ACSF3: variants seen among roughly 807,000 people sequenced by gnomAD.
The protein encoded by ACSF3 is acyl-CoA synthetase family member 3.
A neutral mutation model predicts 53.2 loss-of-function variants in ACSF3; 78 were observed. The observed-to-expected ratio is 1.47, with a 90% CI of 1.22 to 1.77. The LOEUF (loss-of-function observed/expected upper bound fraction) is 1.77, where lower values mean the gene tolerates loss of function less well. Ranked by LOEUF, ACSF3 falls within the 40% of genes most tolerant of loss-of-function variation. ACSF3 has a pLI of 0.00. For missense variants in ACSF3, 937 were observed against 771.1 expected, an observed-to-expected ratio of 1.22 and a Z score of -2.55; for synonymous variants, 414 against 333.1, an observed-to-expected ratio of 1.24 and a Z score of -2.65.
chr16:89,114,783 G>A, intron 6 of ACSF3: 2 of 467,650 alleles, frequency 4.3e-6, no homozygotes, highest in South Asian at 2.0e-5. Context: ...GCAGGCGTCA[G>A]TGCATGTCTC....
intron 10 of ACSF3, chr16:89,153,504 G>T (rs1030186109): frequency 4.5e-5 from 7 of 156,994 alleles, no homozygotes; most frequent in African/African-American, 1.4e-4. Context: ...CATGAGGAAG[G>T]GGGACCCTGA....
intron 10 of ACSF3, chr16:89,151,085 A>G (rs1443950893): frequency 1.6e-6 from 2 of 1,280,586 alleles, no homozygotes; most frequent in Non-Finnish European, 2.0e-6. Context: ...TCGGAAGGAA[A>G]CGAAACCTCG....
In ACSF3 at chr16:89,154,094, G is replaced by A. The variant is rs570670205; in HGVS notation, c.1618G>A (p.Val540Ile). Residue 540 changes from valine (V) to isoleucine (I), a missense_variant, in exon 11 of 11, where the codon GTC (valine) becomes ATC (isoleucine). Val to Ile is a conservative substitution (Grantham distance 29). Coordinates refer to ENST00000614302, the MANE Select transcript of ACSF3 (RefSeq NM_001243279.3). ...HRELKEWARNVLAPYAVPSEL... is the reference protein window; with the variant it reads ...HRELKEWARNILAPYAVPSEL... Reference sequence around the variant, plus strand: ...AGGCTGTGCTTGTCTCTGCAGAAATGTCCTGGCCCCGTACGCGGTGCCCTC... The same window carrying A: ...AGGCTGTGCTTGTCTCTGCAGAAATATCCTGGCCCCGTACGCGGTGCCCTC... The A allele has an allele frequency of 1.2e-6, 2 of 1,612,670 alleles. No homozygotes were observed. The highest frequency in any genetic ancestry group is 4.5e-5 in the East Asian group (2 of 44,862).
intron 6 of ACSF3, among the ~76,000 whole-genome samples, 186 bp from the exon 7 acceptor site, chr16:89,120,615 G>A (rs553061138): frequency 7.2e-5 from 11 of 152,350 alleles, no homozygotes; most frequent in African/African-American, 2.2e-4. Context: ...GCCACGTATC[G>A]TGTGGCTTTT....
At chr16:89,139,017 G>A (rs572014618) in intron 8 of ACSF3, among the ~76,000 whole-genome samples, 3 of 152,180 alleles carry the variant, frequency 2.0e-5, no homozygotes, top group Non-Finnish European at 2.9e-5. Flanking sequence ...CGCCAGCACC[G>A]CCACCTCCAG....
rs1287168608 is a variant in ACSF3, at chr16:89,155,148, A to C, written c.*941A>C. Reference sequence around the variant, plus strand: ...CTTAGCGGGGCCAATTCAGATGCACAGGGGCCACATGCAGAATCCAGAAGT... The same window carrying C: ...CTTAGCGGGGCCAATTCAGATGCACCGGGGCCACATGCAGAATCCAGAAGT... On this transcript the variant is annotated 3_prime_UTR_variant, in exon 11 of 11. Coordinates refer to ENST00000614302, the MANE Select transcript of ACSF3 (RefSeq NM_001243279.3). The C allele has an allele frequency of 4.4e-6, 2 of 454,040 alleles. No homozygotes were observed. Among genetic ancestry groups the C allele is most frequent in the East Asian group, 6.9e-5 (1 of 14,414 alleles). The allele number at this position is 454,040 out of a possible 1,614,324, so 28.1% of individuals were successfully genotyped here.
At chr16:89,134,451 A>T (rs1355307785) in intron 8 of ACSF3, among the ~76,000 whole-genome samples, 1 of 152,118 alleles carries the variant, frequency 6.6e-6, no homozygotes, top group Non-Finnish European at 1.5e-5. Flanking sequence ...CACAGTGGAC[A>T]CCCTGCGGGA....
At chr16:89,105,535 T>A (rs527824556) in intron 4 of ACSF3, among the ~76,000 whole-genome samples, 1 of 152,160 alleles carries the variant, frequency 6.6e-6, no homozygotes, top group African/African-American at 2.4e-5. Flanking sequence ...AGCTCCCTCC[T>A]CTCCGCCTTA....
At chr16:89,124,402 CATGT>C (rs889616058) in intron 7 of ACSF3, among the ~76,000 whole-genome samples, 3 of 71,840 alleles carry the variant, frequency 4.2e-5, no homozygotes, top group African/African-American at 4.2e-5. Context: ...GTGCACTGCT[CATGT>C]GTGTGTTACC....
intron 1 of ACSF3, among the ~76,000 whole-genome samples, chr16:89,097,867 G>A (rs1422148042): frequency 1.3e-5 from 2 of 152,342 alleles, no homozygotes; most frequent in African/African-American, 4.8e-5. Flanking sequence ...CACACAGGAC[G>A]TCCAAGCAGC....
chr16:89,155,171 A>G lies in ACSF3; in HGVS notation c.*964A>G. ...ACAGGGGCCACATGCAGAATCCAGA[A>G]GTTTCTGGACAATTTTCAGAAGAAT... is the stretch of plus-strand genomic sequence containing the variant. On this transcript the variant is annotated 3_prime_UTR_variant, in exon 11 of 11. Coordinates refer to ENST00000614302, the MANE Select transcript of ACSF3 (RefSeq NM_001243279.3). The G allele has an allele frequency of 2.2e-6, 1 of 454,164 alleles. No homozygotes were observed. Among genetic ancestry groups the G allele is most frequent in the Non-Finnish European group, 4.4e-6 (1 of 226,802 alleles). 28.1% of individuals were successfully genotyped at this position (454,164 alleles called of 1,614,324 possible).
chr16:89,101,541 G>C (rs1204600744), intron 3 of ACSF3, among the ~76,000 whole-genome samples, 194 bp downstream of exon 3: 1 of 152,212 alleles, frequency 6.6e-6, no homozygotes, highest in African/African-American at 2.4e-5. Flanking sequence ...CACGCAGGAC[G>C]GCTCTGGGAG....
intron 1 of ACSF3, among the ~76,000 whole-genome samples, chr16:89,096,186 C>G (rs1053862157): frequency 5.9e-5 from 9 of 152,072 alleles, no homozygotes; most frequent in African/African-American, 1.9e-4. Flanking sequence ...CGTGGTGACG[C>G]CGCTGACCTC....
intron 7 of ACSF3, among the ~76,000 whole-genome samples, chr16:89,128,264 CT>C (rs200250831): frequency 1.1e-4 from 16 of 147,486 alleles, no homozygotes; most frequent in South Asian, 8.6e-4. Context: ...TTTCTTTTTT[CT>C]TTTTTTTTTT....
At chr16:89,105,205 C>T (rs1374478682) in intron 4 of ACSF3, among the ~76,000 whole-genome samples, 3 of 152,040 alleles carry the variant, frequency 2.0e-5, no homozygotes, top group Non-Finnish European at 4.4e-5. Flanking sequence ...ACCCCAGCTG[C>T]GACACAGCAG....
intron 8 of ACSF3, among the ~76,000 whole-genome samples, chr16:89,134,404 G>A (rs11076768): frequency 0.2 from 30,514 of 152,134 alleles, 3,409 homozygotes; most frequent in East Asian, 0.36. Context: ...CTTTAGGCCA[G>A]TCGGGAGTGG....
Position 89,154,401 on chromosome 16 carries a change from A to G in ACSF3, c.*194A>G, listed in dbSNP as rs565532227. The G allele has an allele frequency of 2.6e-5, 18 of 686,886 alleles. No individual in the cohort carries two copies. In the East Asian group the frequency reaches 4.8e-4, roughly 18 times the overall value. The allele number at this position is 686,886 out of a possible 1,614,324, so 42.5% of individuals were successfully genotyped here. A position where few individuals can be genotyped will look rare whatever the true frequency, so the allele number is the denominator to read the frequency against. Reference sequence around the variant, plus strand: ...GCCTCGGGCCAGTTGTTGCAGCTCAAGGAGACCGTCCCTGGTGTCACCTCT... The same window carrying G: ...GCCTCGGGCCAGTTGTTGCAGCTCAGGGAGACCGTCCCTGGTGTCACCTCT... On this transcript the variant is annotated 3_prime_UTR_variant, in exon 11 of 11. Transcript: ENST00000614302.
intron 5 of ACSF3, chr16:89,113,647 G>C (rs1370740107): frequency 6.4e-6 from 1 of 155,974 alleles, no homozygotes; most frequent in African/African-American, 2.4e-5. Context: ...GGCAGCAGCA[G>C]GGACCACTCC....
In ACSF3 at chr16:89,154,986, C is replaced by A. The variant is rs776848925; in HGVS notation, c.*779C>A. ...TCACCGTCTCCACCCAGACCCCCAC[C>A]TGCCCCATGGCCCCCATTTCATGTC... On this transcript the variant is annotated 3_prime_UTR_variant, in exon 11 of 11. Transcript: ENST00000614302. 2 of 454,056 alleles carry A rather than the reference C, an allele frequency of 4.4e-6. No individual in the cohort carries two copies. The highest frequency in any genetic ancestry group is 2.0e-5 in the African/African-American group (1 of 50,014). The allele number at this position is 454,056 out of a possible 1,614,324, so 28.1% of individuals were successfully genotyped here.
Sources: allele counts gnomAD v4.1 joint callset (sites outside exome capture counted in the v4.1 genomes callset), GRCh38; gene constraint gnomAD v4.1.1; transcripts MANE v1.5; gene names NCBI Gene and HGNC (gene_info 2026-07-23, HGNC 2026-07-21).